ITGA4: variants seen among roughly 807,000 people sequenced by gnomAD.
ITGA4 encodes the protein integrin subunit alpha 4.
In ITGA4, 63 loss-of-function variants were observed where a neutral mutation model predicts 133.6. The ratio of observed to expected loss-of-function variants is 0.47; its 90% confidence interval spans 0.38 to 0.58. The LOEUF (loss-of-function observed/expected upper bound fraction) is 0.58. ITGA4 is among the 20% of genes least tolerant of loss of function. ITGA4 has a pLI of 0.00. For missense variants in ITGA4, 1,076 were observed against 1,252.7 expected (o/e 0.86, Z 2.13); for synonymous variants, 483 against 438.0 (o/e 1.10, Z -1.28).
chr2:181,521,394 AT>A (rs1423102999), intron 17 of ITGA4, among the ~76,000 whole-genome samples: 1 of 152,186 alleles, frequency 6.6e-6, no homozygotes, highest in Non-Finnish European at 1.5e-5. Context: ...TATTTAAAAT[AT>A]TTTAAGGACT....
In ITGA4 at chr2:181,458,229, C is replaced by A. The variant is rs778370219; in HGVS notation, c.231C>A (p.Leu77=). 6.2e-7 allele frequency: 1 copy of A among 1,613,824 alleles called. No individual in the cohort carries two copies. Among genetic ancestry groups the A allele is most frequent in the Non-Finnish European group, 8.5e-7 (1 of 1,179,876 alleles). ...TGGGTGCGCCCACTGCCAACTGGCT[C>A]GCCAACGCTTCAGTGATCAATCCCG... The part of the protein sequence containing the change: ...LLVGAPTANW[L]ANASVINPGA... The change falls in exon 2 of 28, where the codon CTC becomes CTA. Residue 77 remains leucine (L), a synonymous_variant. Transcript: ENST00000397033.
At chr2:181,528,268 C>T (rs550127288) in intron 22 of ITGA4, among the ~76,000 whole-genome samples, 103 of 152,308 alleles carry the variant, frequency 6.8e-4, no homozygotes, top group African/African-American at 2.5e-3. Context: ...ATTTTTGTTA[C>T]ACTAGTTGAT....
At chr2:181,476,887 T>C (rs1002880007) in intron 4 of ITGA4, among the ~76,000 whole-genome samples, 1 of 152,174 alleles carries the variant, frequency 6.6e-6, no homozygotes, top group African/African-American at 2.4e-5. Flanking sequence ...AAATACCACA[T>C]GTTCTCACTT....
rs116529662 is a variant in ITGA4 at position 181,527,519 on chromosome 2, C to T, written c.2430+132C>T. ...ACCACAGCTGGCTGGAATGGGGCAG[C>T]AGCAGTGGTACTCCTGCCTCTCAGA... On this transcript the variant is annotated intron_variant, in intron 22 of 27. Transcript: ENST00000397033. The T allele has an allele frequency of 3.4e-3, 2,116 of 620,470 alleles. 36 individuals carry two copies. The highest frequency in any genetic ancestry group is 0.033 in the African/African-American group (1,799 of 54,826). 38.4% of individuals were successfully genotyped at this position (620,470 alleles called of 1,614,324 possible). A position where few individuals can be genotyped will look rare whatever the true frequency, so the allele number is the denominator to read the frequency against.
intron 5 of ITGA4, chr2:181,479,369 G>A (rs1035522090): frequency 2.6e-5 from 4 of 151,962 alleles, no homozygotes; most frequent in African/African-American, 7.2e-5. Flanking sequence ...AAAACACACT[G>A]TGAATTCAGG....
Position 181,475,034 on chromosome 2 carries a change from T to G in ITGA4, c.394T>G (p.Ser132Ala), listed in dbSNP as rs1293314814. Reference protein sequence around the residue: ...RDNQWLGVTLSRQPGENGSIV... With the variant: ...RDNQWLGVTLARQPGENGSIV... The stretch of plus-strand genomic sequence containing the variant: ...CAATCAGTGGTTGGGGGTCACACTT[T>G]CCAGACAGCCAGGAGAAAATGGATC... The change falls in exon 3 of 28, where the codon TCC (serine) becomes GCC (alanine). Residue 132 changes from serine to alanine, a missense_variant. Ser to Ala is a moderately conservative substitution (Grantham distance 99). This residue lies in a region of ITGA4 where 436 missense variants were observed against 590.7 expected (regional missense o/e 0.74). Transcript: ENST00000397033. 6.2e-7 allele frequency: 1 copy of G among 1,613,938 alleles called. No individual in the cohort carries two copies. The highest frequency in any genetic ancestry group is 8.5e-7 in the Non-Finnish European group (1 of 1,179,966).
intron 17 of ITGA4, among the ~76,000 whole-genome samples, chr2:181,513,444 G>T (rs1686544897): frequency 6.6e-6 from 1 of 151,936 alleles, no homozygotes; most frequent in East Asian, 1.9e-4. Flanking sequence ...CTGATATCCA[G>T]AATTATTAAG....
At chr2:181,487,546 A>T (rs557714538) in intron 10 of ITGA4, among the ~76,000 whole-genome samples, 2 of 152,336 alleles carry the variant, frequency 1.3e-5, no homozygotes, top group East Asian at 1.9e-4. Flanking sequence ...TGATCTCTCC[A>T]TTCAGAAGTG....
chr2:181,514,908 A>G (rs1036592012), intron 17 of ITGA4, among the ~76,000 whole-genome samples: 1 of 152,134 alleles, frequency 6.6e-6, no homozygotes, highest in Non-Finnish European at 1.5e-5. Flanking sequence ...TTAGAGTGAT[A>G]ATATTTCTTG....
chr2:181,524,174 G>C lies in ITGA4; in HGVS notation c.2173G>C (p.Asp725His). 1 of 1,597,338 alleles carries C rather than the reference G, an allele frequency of 6.3e-7. No individual in the cohort carries two copies. The highest frequency in any genetic ancestry group is 8.5e-7 in the Non-Finnish European group (1 of 1,170,898). Residue 725 changes from aspartate (D) to histidine (H), a missense_variant, in exon 20 of 28, where the codon GAT becomes CAT. Transcript: ENST00000397033. ...YIYVDHLSRIDISFLLDVSSL... is the reference protein window; with the variant it reads ...YIYVDHLSRIHISFLLDVSSL... ...TTTCCTGGTCTGTGTTTTACAGATA[G>C]ATATTAGCTTTCTCCTGGATGTGAG... is the stretch of plus-strand genomic sequence containing the variant.
chr2:181,483,898 CATT>C (rs1685858989), intron 9 of ITGA4, among the ~76,000 whole-genome samples: 1 of 152,136 alleles, frequency 6.6e-6, no homozygotes. Flanking sequence ...ATCTTAATCT[CATT>C]AAGAAAAAAC....
At chr2:181,482,092 TA>T (rs1685817509) in intron 7 of ITGA4, among the ~76,000 whole-genome samples, 1 of 152,190 alleles carries the variant, frequency 6.6e-6, no homozygotes, top group Non-Finnish European at 1.5e-5. Flanking sequence ...TTCTGAGCCT[TA>T]CTTTTGAAAA....
In ITGA4 at chr2:181,535,789, CA is replaced by C; in HGVS notation, c.*264del. ...GAAACACTAAAGCATTCAATTTATT[CA>C]AGAAAAGTAAGCCCTTGAAGATATC... On this transcript the variant is annotated 3_prime_UTR_variant, in exon 28 of 28. Transcript: ENST00000397033. The C allele has an allele frequency of 3.7e-6, 1 of 270,132 alleles. No homozygotes were observed. The highest frequency in any genetic ancestry group is 7.8e-5 in the South Asian group (1 of 12,882). 16.7% of individuals were successfully genotyped at this position (270,132 alleles called of 1,614,324 possible).
intron 22 of ITGA4, among the ~76,000 whole-genome samples, chr2:181,528,723 T>C (rs1331670791): frequency 6.6e-6 from 1 of 152,170 alleles, no homozygotes; most frequent in African/African-American, 2.4e-5. Context: ...GTCACATGCA[T>C]TCATAAAATG....
chr2:181,536,311 C>A lies in ITGA4; in HGVS notation c.*784C>A, dbSNP rs1027043078. 1.3e-5 allele frequency: 2 copies of A among 152,026 alleles called. No individual in the cohort carries two copies. Among genetic ancestry groups the A allele is most frequent in the Non-Finnish European group, 2.9e-5 (2 of 67,968 alleles). The allele number at this position is 152,026 out of a possible 1,614,324, so 9.4% of individuals were successfully genotyped here. ...CTTCCTATAACACACCTTTATCAAG[C>A]ATACCCAGGAGTAATCTTCAAATCT... On this transcript the variant is annotated 3_prime_UTR_variant, in exon 28 of 28. Coordinates refer to ENST00000397033, the MANE Select transcript of ITGA4 (RefSeq NM_000885.6).
In ITGA4 at chr2:181,535,664, T is replaced by C. The variant is rs1687053869; in HGVS notation, c.*137T>C. 7.1e-6 allele frequency: 8 copies of C among 1,121,276 alleles called. No homozygotes were observed. The highest frequency in any genetic ancestry group is 9.8e-6 in the Non-Finnish European group (8 of 816,046). 69.5% of individuals were successfully genotyped at this position (1,121,276 alleles called of 1,614,324 possible). ...GATCTTGTGACATATTATGTCTTCA[T>C]GCAAGGGGAAAATCTCAGCAATGAT... On this transcript the variant is annotated 3_prime_UTR_variant, in exon 28 of 28. Transcript: ENST00000397033.
At chr2:181,502,994 C>T (rs976434191) in intron 15 of ITGA4, among the ~76,000 whole-genome samples, 3 of 151,802 alleles carry the variant, frequency 2.0e-5, no homozygotes, top group Admixed American at 2.0e-4. Context: ...GGGGGCACAC[C>T]AAGACGGTGA....
At chr2:181,457,218 G>A (rs1685136094), upstream of ITGA4, 1 of 180,784 alleles carries the variant, frequency 5.5e-6, no homozygotes, top group Non-Finnish European at 1.2e-5. Context: ...CTCTTGCTGA[G>A]CCCAGAGCCA....
intron 23 of ITGA4, 96 bp downstream of exon 23, chr2:181,529,744 G>T (rs1686903179): frequency 1.5e-6 from 1 of 668,150 alleles, no homozygotes; most frequent in Admixed American, 2.4e-5. Flanking sequence ...ATGTGAAAAT[G>T]GATAATTGTT....
Sources: gnomAD v4.1 joint callset for allele counts (sites outside exome capture counted in the v4.1 genomes callset) on GRCh38, gnomAD v4.1.1 for gene constraint, gnomAD v4.1.1 regional missense constraint, MANE v1.5 for transcripts, NCBI Gene and HGNC (gene_info 2026-07-23, HGNC 2026-07-21) for gene names.